The following CPAMD8 variants were observed in gnomAD, a reference collection of about 807,000 sequenced individuals.
CPAMD8 encodes the protein C3 and PZP like alpha-2-macroglobulin domain containing 8, also known as C3 and PZP-like alpha-2-macroglobulin domain-containing protein 8.
In CPAMD8, 146 loss-of-function variants were observed where a neutral mutation model predicts 224.7. The observed-to-expected ratio is 0.65, with a 90% confidence interval of 0.57 to 0.75. CPAMD8 has a LOEUF of 0.75. CPAMD8 is among the 30% of genes least tolerant of loss of function. The probability of loss-of-function intolerance (pLI) is 0.00; values close to 1 mark genes in which losing one functional copy is unlikely to be tolerated. For missense variants in CPAMD8, 2,301 were observed against 2,537.5 expected, an observed-to-expected ratio of 0.91 and a Z score of 2.00; for synonymous variants, 966 against 1,044.6, an observed-to-expected ratio of 0.92 and a Z score of 1.45.
intron 30 of CPAMD8, among the ~76,000 whole-genome samples, chr19:16,905,057 A>G (rs2052416402): frequency 6.6e-6 from 1 of 151,956 alleles, no homozygotes; most frequent in African/African-American, 2.4e-5. Flanking sequence ...CCTGGCCAAC[A>G]TGGTGAAATC....
chr19:17,025,377 A>C (rs1286500572), intron 1 of CPAMD8, among the ~76,000 whole-genome samples: 1 of 152,174 alleles, frequency 6.6e-6, no homozygotes, highest in Non-Finnish European at 1.5e-5. Flanking sequence ...GTGCCATTGC[A>C]CTCCAGCCTG....
intron 7 of CPAMD8, among the ~76,000 whole-genome samples, chr19:17,007,403 GGAA>G (rs143344236): frequency 5.3e-5 from 8 of 151,254 alleles, no homozygotes; most frequent in African/African-American, 1.9e-4. Context: ...GGAGGAAGGA[GGAA>G]GAAGAAGCAG....
intron 23 of CPAMD8, among the ~76,000 whole-genome samples, chr19:16,938,184 T>G: frequency 6.6e-6 from 1 of 152,158 alleles, no homozygotes; most frequent in South Asian, 2.1e-4. Flanking sequence ...TCATTCCCTG[T>G]GTATTCATTC....
At chr19:16,930,497 C>T (rs1265564236) in intron 23 of CPAMD8, among the ~76,000 whole-genome samples, 1 of 152,140 alleles carries the variant, frequency 6.6e-6, no homozygotes, top group Non-Finnish European at 1.5e-5. Context: ...TGGAATTCAA[C>T]AGAGAAGTGA....
intron 13 of CPAMD8, among the ~76,000 whole-genome samples, chr19:16,987,816 G>A (rs1300849361): frequency 6.6e-6 from 1 of 151,720 alleles, no homozygotes; most frequent in Non-Finnish European, 1.5e-5. Context: ...ACATCCGGCT[G>A]GGGTTTTTTT....
chr19:16,904,410 C>T (rs1336912478), intron 31 of CPAMD8, 48 bp from the exon 32 acceptor site: 2 of 1,614,086 alleles, frequency 1.2e-6, no homozygotes, highest in Non-Finnish European at 1.7e-6. Flanking sequence ...GGGACATGGA[C>T]CCAGTGCATG....
At chr19:17,020,950 A>G (rs11881941) in intron 2 of CPAMD8, among the ~76,000 whole-genome samples, 3,206 of 152,136 alleles carry the variant, frequency 0.021, 84 homozygotes, top group African/African-American at 0.065. Context: ...CTCTCCATCC[A>G]CCTTCCTGGG....
At chr19:16,925,544 G>A (rs1251600044) in intron 25 of CPAMD8, among the ~76,000 whole-genome samples, 172 bp from the exon 26 acceptor site, 7 of 152,146 alleles carry the variant, frequency 4.6e-5, no homozygotes, top group Non-Finnish European at 1.0e-4. Context: ...TGGCTTTGGT[G>A]ACAGTTTTAC....
intron 29 of CPAMD8, among the ~76,000 whole-genome samples, chr19:16,910,005 T>TCACACCCA (rs2052663271): frequency 1.3e-5 from 2 of 148,702 alleles, no homozygotes; most frequent in South Asian, 2.1e-4. Context: ...GCACGTGCCA[T>TCACACCCA]GGTGCCTGGC....
At chr19:16,976,542 C>G (rs1004132082) in intron 15 of CPAMD8, among the ~76,000 whole-genome samples, 1 of 152,002 alleles carries the variant, frequency 6.6e-6, no homozygotes, top group Non-Finnish European at 1.5e-5. Context: ...TCTCTTCTGC[C>G]CCACCCATGC....
intron 32 of CPAMD8, 33 bp downstream of exon 32, chr19:16,904,193 C>T: frequency 6.7e-7 from 1 of 1,487,778 alleles, no homozygotes; most frequent in Non-Finnish European, 9.2e-7. Context: ...CCACCCAGCC[C>T]TGAGCCCCTC....
chr19:17,005,747 C>T (rs1157899366), intron 7 of CPAMD8, among the ~76,000 whole-genome samples: 1 of 152,160 alleles, frequency 6.6e-6, no homozygotes. Context: ...CACGGCTTCT[C>T]TCAATCACAT....
At position 16,912,001 on chromosome 19, in the gene CPAMD8, T is replaced by TCTAAAGC. The variant is rs2052747240; in HGVS notation, c.3861+2416_3861+2422dup. The stretch of plus-strand genomic sequence containing the variant: ...GCTGGTTGCACACTCCTTATGAGAA[T>TCTAAAGC]CTAAAGCCTAATGATCTGTCACTGT... On this transcript the variant is annotated intron_variant, in intron 29 of 41. Coordinates refer to ENST00000443236, the MANE Select transcript of CPAMD8 (RefSeq NM_015692.5). 3.3e-5 allele frequency among the ~76,000 whole-genome samples: 5 copies of TCTAAAGC among 152,220 alleles called. 1 individual carries two copies. In the South Asian group the frequency reaches 1.0e-3, roughly 32 times the overall value.
chr19:16,982,650 C>T (rs1170679735), intron 13 of CPAMD8, among the ~76,000 whole-genome samples: 3 of 151,880 alleles, frequency 2.0e-5, no homozygotes, highest in African/African-American at 7.3e-5. Flanking sequence ...GCCTGAACAA[C>T]ATGGCAAAAC....
chr19:16,919,978 G>A (rs1219407630), intron 27 of CPAMD8, among the ~76,000 whole-genome samples: 1 of 152,210 alleles, frequency 6.6e-6, no homozygotes, highest in Non-Finnish European at 1.5e-5. Context: ...CAGAGAGGTT[G>A]ATCATCGGGT....
In CPAMD8 at chr19:16,980,796, G is replaced by A. The variant is rs148591044; in HGVS notation, c.1396-110C>T. 1,619 of 797,680 alleles carry A rather than the reference G, an allele frequency of 2.0e-3. 17 individuals carry two copies. In the African/African-American group the frequency reaches 0.024, roughly 12 times the overall value. 49.4% of individuals were successfully genotyped at this position (797,680 alleles called of 1,614,324 possible). A position where few individuals can be genotyped will look rare whatever the true frequency, so the allele number is the denominator to read the frequency against. ...GGGAGGTTGGGATGGCTGAGGGAGC[G>A]GAGTGCCCAGCATCCAGTCCTGGCC... On this transcript the variant is annotated intron_variant, in intron 13 of 41. Coordinates refer to ENST00000443236, the MANE Select transcript of CPAMD8 (RefSeq NM_015692.5).
chr19:16,906,337 CCTTTCTTT>C (rs35867251), intron 30 of CPAMD8, among the ~76,000 whole-genome samples: 3,097 of 81,534 alleles, frequency 0.038, 136 homozygotes, highest in East Asian at 0.081. Flanking sequence ...TCCTTCTTTC[CCTTTCTTT>C]CTTTCTTTCT....
Position 16,898,137 on chromosome 19 carries a change from T to A in CPAMD8, c.4849-143A>T. On this transcript the variant is annotated intron_variant, in intron 37 of 41. Transcript: ENST00000443236. This position sits in a 1 kb window ranked among gnomAD's most constrained non-coding sequence, Gnocchi z 4.2. ...GTGATCCCATTTTCTTTTTTTCTTT[T>A]ACTTTTCTTTTTTTTTTTTTTTCCT... The A allele has an allele frequency of 1.7e-6, 1 of 605,404 alleles. No homozygotes were observed. Among genetic ancestry groups the A allele is most frequent in the Non-Finnish European group, 2.8e-6 (1 of 353,142 alleles). The allele number at this position is 605,404 out of a possible 1,614,324, so 37.5% of individuals were successfully genotyped here.
At chr19:16,922,070 C>A in intron 26 of CPAMD8, 84 bp from the exon 27 acceptor site, 1 of 884,190 alleles carries the variant, frequency 1.1e-6, no homozygotes. Context: ...CTCTGCCGTC[C>A]CCTACCCCGG....
Sources: gnomAD v4.1 joint callset for allele counts (sites outside exome capture counted in the v4.1 genomes callset) on GRCh38, gnomAD v4.1.1 for gene constraint, Gnocchi (gnomAD v3.1) non-coding constraint, MANE v1.5 for transcripts, NCBI Gene and HGNC (gene_info 2026-07-23, HGNC 2026-07-21) for gene names.